CACNA1C: variants seen among roughly 807,000 people sequenced by gnomAD.
CACNA1C encodes the protein calcium voltage-gated channel subunit alpha1 C, also known as voltage-dependent L-type calcium channel subunit alpha-1C.
A neutral mutation model predicts 229.0 loss-of-function variants in CACNA1C; 30 were observed. That is an observed-to-expected ratio of 0.13 (90% CI 0.10 to 0.18). The LOEUF (loss-of-function observed/expected upper bound fraction) is 0.18. Ranked by LOEUF, CACNA1C falls within the 10% of genes least tolerant of loss-of-function variation. CACNA1C has a pLI of 1.00. For synonymous variants in CACNA1C, 1,114 were observed against 1,132.5 expected (o/e 0.98, Z 0.33); for missense variants, 1,658 against 2,845.0 (o/e 0.58, Z 9.49).
chr12:2,175,995 C>A (rs943676210), intron 3 of CACNA1C, among the ~76,000 whole-genome samples: 18 of 152,222 alleles, frequency 1.2e-4, no homozygotes, highest in African/African-American at 4.3e-4. Flanking sequence ...TTGGAATTTA[C>A]ATTCCAATGG....
At chr12:1,979,299 C>T (rs1032630394) in intron 1 of CACNA1C, among the ~76,000 whole-genome samples, 1 of 151,334 alleles carries the variant, frequency 6.6e-6, no homozygotes, top group African/African-American at 2.4e-5. Flanking sequence ...CAAGCGTGAG[C>T]CACAGCGCCT....
intron 3 of CACNA1C, among the ~76,000 whole-genome samples, chr12:2,407,167 C>A (rs1209459287): frequency 6.6e-6 from 1 of 152,232 alleles, no homozygotes; most frequent in Non-Finnish European, 1.5e-5. Flanking sequence ...TGTCCTGGCG[C>A]TCCCTTAGAC....
intron 3 of CACNA1C, among the ~76,000 whole-genome samples, chr12:2,254,931 G>C (rs1364156075): frequency 6.6e-6 from 1 of 152,222 alleles, no homozygotes; most frequent in Non-Finnish European, 1.5e-5. Context: ...GGTCTTTTAA[G>C]TGAAGAGAGG....
intron 3 of CACNA1C, among the ~76,000 whole-genome samples, chr12:2,248,426 G>A (rs191389025): frequency 4.1e-4 from 63 of 152,338 alleles, no homozygotes; most frequent in Non-Finnish European, 8.1e-4. Context: ...AACCGAGGCC[G>A]CCTCACTGGG....
chr12:2,690,823 C>G, intron 46 of CACNA1C, 77 bp from the exon 47 acceptor site: 2 of 1,400,544 alleles, frequency 1.4e-6, no homozygotes, highest in Non-Finnish European at 9.6e-7. Flanking sequence ...CCCCCTCGCT[C>G]TAGCCCTCAA....
intron 30 of CACNA1C, chr12:2,641,545 C>T (rs1376567808): frequency 1.7e-6 from 1 of 602,320 alleles, no homozygotes; most frequent in Non-Finnish European, 3.0e-6. Flanking sequence ...CTGTTGCCCT[C>T]GGAGTCCCTT....
At chr12:2,277,354 GACAGACAGACACACACACACACACACAC>G (rs1483027833) in intron 3 of CACNA1C, among the ~76,000 whole-genome samples, 299 of 87,148 alleles carry the variant, frequency 3.4e-3, no homozygotes, top group African/African-American at 0.015. Flanking sequence ...CAGACAGACA[GACAGACAGACACACACACACACACACAC>G]ACACACACAC....
intron 1 of CACNA1C, among the ~76,000 whole-genome samples, chr12:2,002,335 C>T (rs1240668785): frequency 6.6e-6 from 1 of 152,206 alleles, no homozygotes. Context: ...AATTAGTTTG[C>T]CTCCAGCAAC....
intron 3 of CACNA1C, among the ~76,000 whole-genome samples, chr12:2,270,629 C>T (rs576900215): frequency 6.6e-6 from 1 of 152,334 alleles, no homozygotes; most frequent in Admixed American, 6.5e-5. Flanking sequence ...CCCAGCCAGA[C>T]AGGAACTCAG....
chr12:2,362,992 A>G (rs1057063104), intron 3 of CACNA1C, among the ~76,000 whole-genome samples: 1 of 152,262 alleles, frequency 6.6e-6, no homozygotes, highest in Non-Finnish European at 1.5e-5. Context: ...TGGCCGTAAC[A>G]GGCTGTTAGT....
rs117979592 is a variant in CACNA1C at position 2,164,867 on chromosome 12, G to A, written c.477+44437G>A. On this transcript the variant is annotated intron_variant, in intron 3 of 46. Transcript: ENST00000399655. ...GGTATGGCGCACACACAGTGTCAGAGCTCACTCAATGGTGGCAGTCATCGT... is the reference window on the plus strand; with the variant it reads ...GGTATGGCGCACACACAGTGTCAGAACTCACTCAATGGTGGCAGTCATCGT... 2.6e-3 allele frequency among the ~76,000 whole-genome samples: 392 copies of A among 152,314 alleles called. 2 individuals are homozygous for A. The highest frequency in any genetic ancestry group is 4.1e-3 in the Admixed American group (63 of 15,306).
rs894867795 is a variant in CACNA1C, at chr12:2,152,100, C to T, written c.477+31670C>T. 1.3e-5 allele frequency among the ~76,000 whole-genome samples: 2 copies of T among 152,118 alleles called. No homozygotes were observed. The highest frequency in any genetic ancestry group is 6.5e-5 in the Admixed American group (1 of 15,282). On this transcript the variant is annotated intron_variant, in intron 3 of 46. Transcript: ENST00000399655. This position sits in a 1 kb window ranked among gnomAD's most constrained non-coding sequence, Gnocchi z 4.2. ...TGGTCATTTAGTTTCAGGAAAACAT[C>T]GATGGTGCCCTTCCCTAGATAGCTG...
Position 2,297,804 on chromosome 12 carries a change from T to C in CACNA1C, c.478-151172T>C, listed in dbSNP as rs141223380. On this transcript the variant is annotated intron_variant, in intron 3 of 46. Coordinates refer to ENST00000399655, the MANE Select transcript of CACNA1C (RefSeq NM_000719.7). ...TAATGTGCATATACGTGTATCTGTC[T>C]GAACAGTTGGATATATATAGATGTG... 4.6e-5 allele frequency among the ~76,000 whole-genome samples: 7 copies of C among 152,304 alleles called. No homozygotes were observed. The East Asian group carries it at 1.3e-3, about 29-fold the overall frequency.
At position 2,137,087 on chromosome 12, in the gene CACNA1C, C is replaced by T. The variant is rs150076474; in HGVS notation, c.477+16657C>T. ...GGCGCCCCGCCCAGGTGAGAGCAGT[C>T]CCCCTCTCGTGCCGAGAGGCTCCAC... On this transcript the variant is annotated intron_variant, in intron 3 of 46. Transcript: ENST00000399655. Among the ~76,000 whole-genome samples, 208 of 151,478 alleles carry T rather than the reference C, an allele frequency of 1.4e-3. 11 individuals are homozygous for T. The highest frequency in any genetic ancestry group is 2.1e-3 in the Non-Finnish European group (145 of 67,624).
At chr12:2,139,848 A>G (rs1472096905) in intron 3 of CACNA1C, among the ~76,000 whole-genome samples, 1 of 151,212 alleles carries the variant, frequency 6.6e-6, no homozygotes, top group Non-Finnish European at 1.5e-5. Flanking sequence ...GGCCGCTCCC[A>G]GGACACAGCG....
intron 1 of CACNA1C, among the ~76,000 whole-genome samples, chr12:2,018,563 A>G (rs1156662846): frequency 6.6e-6 from 1 of 152,218 alleles, no homozygotes; most frequent in African/African-American, 2.4e-5. Context: ...GCTGAAGTTT[A>G]TGGCTGTGGA....
At position 2,504,799 on chromosome 12, in the gene CACNA1C, G is replaced by A. The variant is rs1396426052; in HGVS notation, c.1114-43G>A. On this transcript the variant is annotated intron_variant, in intron 7 of 46. Coordinates refer to ENST00000399655, the MANE Select transcript of CACNA1C (RefSeq NM_000719.7). This position sits in a 1 kb window ranked among gnomAD's most constrained non-coding sequence, Gnocchi z 6.8. Reference sequence around the variant, plus strand: ...CCGGGGACCGGCACTGGCCGTGCTCGGTTGCTGAGTGTGCCTCACTAACTA... The same window carrying A: ...CCGGGGACCGGCACTGGCCGTGCTCAGTTGCTGAGTGTGCCTCACTAACTA... 1.6e-5 allele frequency: 19 copies of A among 1,195,172 alleles called. No homozygotes were observed. Among genetic ancestry groups the A allele is most frequent in the Middle Eastern group, 2.0e-4 (1 of 5,126 alleles). The allele number at this position is 1,195,172 out of a possible 1,614,324, so 74.0% of individuals were successfully genotyped here.
chr12:2,376,925 G>A (rs570920786), intron 3 of CACNA1C, among the ~76,000 whole-genome samples: 2 of 152,326 alleles, frequency 1.3e-5, no homozygotes, highest in African/African-American at 4.8e-5. Flanking sequence ...TAGCTGGCCA[G>A]GAATGGTAGG....
rs1328354387 is a variant in CACNA1C, at chr12:2,348,612, G to A, written c.478-100364G>A. On this transcript the variant is annotated intron_variant, in intron 3 of 46. Coordinates refer to ENST00000399655, the MANE Select transcript of CACNA1C (RefSeq NM_000719.7). This position sits in a 1 kb window ranked among gnomAD's most constrained non-coding sequence, Gnocchi z 4.7. ...TAAGGCCTGGTTATGTTTAGAAGCC[G>A]TCCAGAGAATGTTTGGCATGCTGAA... is the stretch of plus-strand genomic sequence containing the variant. 2.0e-5 allele frequency among the ~76,000 whole-genome samples: 3 copies of A among 152,140 alleles called. No homozygotes were observed. Among genetic ancestry groups the A allele is most frequent in the African/African-American group, 7.2e-5 (3 of 41,424 alleles).
Sources: allele counts gnomAD v4.1 joint callset (sites outside exome capture counted in the v4.1 genomes callset), GRCh38; gene constraint gnomAD v4.1.1; non-coding constraint Gnocchi (gnomAD v3.1); transcripts MANE v1.5; gene names NCBI Gene and HGNC (gene_info 2026-07-23, HGNC 2026-07-21).